Variants in SLC2A13 observed in about 807,000 individuals in gnomAD.
SLC2A13 encodes the protein proton myo-inositol cotransporter.
A neutral mutation model predicts 64.4 loss-of-function variants in SLC2A13; 32 were observed. The observed-to-expected ratio is 0.50, with a 90% confidence interval of 0.37 to 0.67. The LOEUF (loss-of-function observed/expected upper bound fraction) is 0.67. SLC2A13 is among the 30% of genes least tolerant of loss of function. The pLI is 0.00. For missense variants in SLC2A13, 743 were observed against 829.2 expected, an observed-to-expected ratio of 0.90 and a Z score of 1.28; for synonymous variants, 338 against 327.1, an observed-to-expected ratio of 1.03 and a Z score of -0.36.
At chr12:39,963,015 A>T (rs1946441792) in intron 3 of SLC2A13, among the ~76,000 whole-genome samples, 1 of 152,154 alleles carries the variant, frequency 6.6e-6, no homozygotes, top group African/African-American at 2.4e-5. Flanking sequence ...AAAAATAGCC[A>T]ATAGCTCACG....
chr12:39,851,260 A>G (rs978490731), intron 6 of SLC2A13, among the ~76,000 whole-genome samples: 4 of 152,180 alleles, frequency 2.6e-5, no homozygotes, highest in African/African-American at 9.6e-5. Context: ...TGTTTCCAAA[A>G]TGGACAAATT....
intron 2 of SLC2A13, among the ~76,000 whole-genome samples, chr12:40,031,885 C>T (rs1374555302): frequency 4.6e-5 from 7 of 152,162 alleles, no homozygotes; most frequent in Non-Finnish European, 8.8e-5. Flanking sequence ...AGTAGGACTA[C>T]CAGTCCTCTA....
In SLC2A13 at chr12:39,910,365, A is replaced by C. The variant is rs4405389; in HGVS notation, c.1035-38404T>G. ...TGATGCTCTAACCACCTATGTGGTA[A>C]AGTTAATACTTGGAGAAAAGTCAAG... is the stretch of plus-strand genomic sequence containing the variant. On this transcript the variant is annotated intron_variant, in intron 4 of 9. Coordinates refer to ENST00000280871, the MANE Select transcript of SLC2A13 (RefSeq NM_052885.4). 2.8e-3 allele frequency among the ~76,000 whole-genome samples: 423 copies of C among 152,238 alleles called. 4 individuals carry two copies. Among genetic ancestry groups the C allele is most frequent in the Middle Eastern group, 0.024 (7 of 294 alleles).
At chr12:39,872,892 T>C (rs768074743) in intron 4 of SLC2A13, among the ~76,000 whole-genome samples, 1 of 152,222 alleles carries the variant, frequency 6.6e-6, no homozygotes, top group African/African-American at 2.4e-5. Context: ...AAGTTAGCTT[T>C]ACTCACATCA....
At chr12:39,999,793 C>T (rs553335550) in intron 3 of SLC2A13, among the ~76,000 whole-genome samples, 14 of 152,228 alleles carry the variant, frequency 9.2e-5, no homozygotes, top group African/African-American at 3.4e-4. Context: ...TCTTTGTTCT[C>T]CTTTTTGCCC....
At chr12:39,994,410 A>T (rs1313678289) in intron 3 of SLC2A13, among the ~76,000 whole-genome samples, 1 of 151,656 alleles carries the variant, frequency 6.6e-6, no homozygotes, top group Non-Finnish European at 1.5e-5. Context: ...AAAAAAACTA[A>T]TCTCACACTT....
At chr12:39,871,753 T>C in intron 5 of SLC2A13, 45 bp downstream of exon 5, 1 of 1,531,310 alleles carries the variant, frequency 6.5e-7, no homozygotes, top group Non-Finnish European at 8.8e-7. Context: ...CTTGAAGTTA[T>C]TAGGAAATAA....
chr12:40,070,675 C>T (rs1042182592), intron 1 of SLC2A13, among the ~76,000 whole-genome samples: 1 of 152,134 alleles, frequency 6.6e-6, no homozygotes, highest in Non-Finnish European at 1.5e-5. Context: ...CCTTTTTGAA[C>T]AGCCATTTTA....
At chr12:39,897,451 T>G (rs1438269532) in intron 4 of SLC2A13, among the ~76,000 whole-genome samples, 1 of 152,184 alleles carries the variant, frequency 6.6e-6, no homozygotes, top group East Asian at 1.9e-4. Flanking sequence ...ATAAGTAGGA[T>G]GCAGATGTTT....
At chr12:39,966,153 G>GT (rs1163061436) in intron 3 of SLC2A13, among the ~76,000 whole-genome samples, 22 of 148,936 alleles carry the variant, frequency 1.5e-4, no homozygotes, top group Non-Finnish European at 2.8e-4. Context: ...AGAGAGAGAG[G>GT]TGGGGTATGT....
chr12:39,797,973 G>T (rs1941639106), intron 7 of SLC2A13, among the ~76,000 whole-genome samples: 7 of 152,082 alleles, frequency 4.6e-5, no homozygotes, highest in Admixed American at 3.9e-4. Flanking sequence ...ACAGAATAGG[G>T]TTGACTTGTG....
intron 3 of SLC2A13, among the ~76,000 whole-genome samples, chr12:39,959,790 T>G (rs1946377588): frequency 1.3e-5 from 2 of 152,178 alleles, no homozygotes; most frequent in Admixed American, 1.3e-4. Flanking sequence ...GTATCCTTTC[T>G]AAATAAATAA....
intron 3 of SLC2A13, among the ~76,000 whole-genome samples, chr12:39,986,430 T>G (rs1023452256): frequency 6.6e-6 from 1 of 152,132 alleles, no homozygotes; most frequent in East Asian, 1.9e-4. Context: ...AACTAGTGCA[T>G]GGTTTCTCAA....
At chr12:39,870,472 T>C (rs932927864) in intron 5 of SLC2A13, among the ~76,000 whole-genome samples, 2 of 152,206 alleles carry the variant, frequency 1.3e-5, no homozygotes, top group Non-Finnish European at 2.9e-5. Flanking sequence ...ATTTTTCTTA[T>C]ATTAAGTAAA....
At chr12:39,811,172 TATAATA>T (rs1942145668) in intron 7 of SLC2A13, among the ~76,000 whole-genome samples, 1 of 152,092 alleles carries the variant, frequency 6.6e-6, no homozygotes, top group African/African-American at 2.4e-5. Context: ...CTCTTTTAAT[TATAATA>T]ATAGAAAGTT....
In SLC2A13 at chr12:39,907,217, G is replaced by A. The variant is rs556901984; in HGVS notation, c.1035-35256C>T. Among the ~76,000 whole-genome samples the A allele has an allele frequency of 3.9e-5, 6 of 152,200 alleles. No homozygotes were observed. The South Asian group carries it at 1.2e-3, about 32-fold the overall frequency. On this transcript the variant is annotated intron_variant, in intron 4 of 9. Transcript: ENST00000280871. ...CCACTTATTAGCTCTTACAAGTAGA[G>A]ATTTGTATTTAGTCTTTCAAATATT... is the stretch of plus-strand genomic sequence containing the variant.
rs914333038 is a variant in SLC2A13 at position 39,756,882 on chromosome 12, T to G, written c.*3144A>C. On this transcript the variant is annotated 3_prime_UTR_variant, in exon 10 of 10. Coordinates refer to ENST00000280871, the MANE Select transcript of SLC2A13 (RefSeq NM_052885.4). ...GTAAAATTAAATTATGAAAAAATAG[T>G]CGGTATTCTCATAGCATTTTGTATC... The G allele has an allele frequency of 1.3e-5, 2 of 151,652 alleles. No individual in the cohort carries two copies. The highest frequency in any genetic ancestry group is 3.0e-5 in the Non-Finnish European group (2 of 67,672). 9.4% of individuals were successfully genotyped at this position (151,652 alleles called of 1,614,324 possible).
At chr12:39,913,820 C>T (rs1945474511) in intron 4 of SLC2A13, among the ~76,000 whole-genome samples, 1 of 151,738 alleles carries the variant, frequency 6.6e-6, no homozygotes, top group Admixed American at 6.6e-5. Context: ...GTAGAAAAAA[C>T]TAAGCCAATA....
chr12:39,778,727 A>C (rs771459076), intron 7 of SLC2A13, among the ~76,000 whole-genome samples: 12 of 152,298 alleles, frequency 7.9e-5, no homozygotes, highest in Non-Finnish European at 1.3e-4. Flanking sequence ...ATGAGTATAC[A>C]TACATTGCCC....
Sources: gnomAD v4.1 joint callset for allele counts (sites outside exome capture counted in the v4.1 genomes callset) on GRCh38, gnomAD v4.1.1 for gene constraint, MANE v1.5 for transcripts, NCBI Gene and HGNC (gene_info 2026-07-23, HGNC 2026-07-21) for gene names.